The following PPP4R4 variants were observed in gnomAD, a reference collection of about 807,000 sequenced individuals.
PPP4R4 encodes the protein protein phosphatase 4 regulatory subunit 4.
A neutral mutation model predicts 121.8 loss-of-function variants in PPP4R4; 70 were observed. The observed-to-expected ratio is 0.57, with a 90% CI of 0.47 to 0.70. The LOEUF (loss-of-function observed/expected upper bound fraction) is 0.70, where lower values mean the gene tolerates loss of function less well. Ranked by LOEUF, PPP4R4 falls within the 30% of genes least tolerant of loss-of-function variation. The pLI is 0.00. For synonymous variants in PPP4R4, 348 were observed against 355.7 expected (o/e 0.98, Z 0.24); for missense variants, 875 against 1,033.6 (o/e 0.85, Z 2.10).
At chr14:94,252,541 A>G (rs908838090) in intron 16 of PPP4R4, among the ~76,000 whole-genome samples, 1 of 152,142 alleles carries the variant, frequency 6.6e-6, no homozygotes, top group South Asian at 2.1e-4. Flanking sequence ...AAAATTTACT[A>G]TTTTAACCAT....
intron 14 of PPP4R4, among the ~76,000 whole-genome samples, chr14:94,247,514 T>A (rs564544108): frequency 6.6e-6 from 1 of 152,332 alleles, no homozygotes; most frequent in South Asian, 2.1e-4. Context: ...TCAATCCTAC[T>A]GAAACTATTC....
intron 17 of PPP4R4, among the ~76,000 whole-genome samples, chr14:94,257,290 T>C (rs978980570): frequency 6.6e-6 from 1 of 152,098 alleles, no homozygotes; most frequent in Non-Finnish European, 1.5e-5. Flanking sequence ...TCAAAAATTG[T>C]TTATGCTGAA....
intron 2 of PPP4R4, among the ~76,000 whole-genome samples, chr14:94,205,600 T>C (rs1890413562): frequency 6.6e-6 from 1 of 151,686 alleles, no homozygotes; most frequent in Non-Finnish European, 1.5e-5. Context: ...GAAAGTTAGA[T>C]TATTGATTTG....
Position 94,237,704 on chromosome 14 carries a change from A to G in PPP4R4, c.853+18A>G. On this transcript the variant is annotated intron_variant, in intron 8 of 24. Transcript: ENST00000304338. ...TGATACAGGTAAATCATGTGGCTAC[A>G]TCTTTGCTTCTGAAAACAGTGTTTT... is the stretch of plus-strand genomic sequence containing the variant. 1 of 1,608,510 alleles carries G rather than the reference A, an allele frequency of 6.2e-7. No homozygotes were observed. The highest frequency in any genetic ancestry group is 2.2e-5 in the East Asian group (1 of 44,782).
chr14:94,193,185 A>G (rs1368118420), intron 2 of PPP4R4, among the ~76,000 whole-genome samples: 1 of 152,160 alleles, frequency 6.6e-6, no homozygotes, highest in Non-Finnish European at 1.5e-5. Flanking sequence ...ATGTTTTTTA[A>G]AAGCATTAAG....
intron 24 of PPP4R4, among the ~76,000 whole-genome samples, chr14:94,277,465 C>A (rs890708074): frequency 6.6e-6 from 1 of 152,180 alleles, no homozygotes; most frequent in African/African-American, 2.4e-5. Flanking sequence ...CATGGTTCCT[C>A]CTCCTCTAAG....
intron 3 of PPP4R4, among the ~76,000 whole-genome samples, chr14:94,208,909 T>C (rs1478212156): frequency 6.6e-6 from 1 of 151,920 alleles, no homozygotes; most frequent in Non-Finnish European, 1.5e-5. Context: ...ATAGTATTTG[T>C]ATAACATTGA....
chr14:94,220,744 T>G (rs1891341959), intron 3 of PPP4R4, among the ~76,000 whole-genome samples: 1 of 152,162 alleles, frequency 6.6e-6, no homozygotes, highest in Non-Finnish European at 1.5e-5. Context: ...ATGAGAGAAC[T>G]AAGTGAACTG....
At chr14:94,277,120 G>T (rs2139676592) in intron 24 of PPP4R4, among the ~76,000 whole-genome samples, 1 of 152,234 alleles carries the variant, frequency 6.6e-6, no homozygotes, top group East Asian at 1.9e-4. Flanking sequence ...CCAACATGGT[G>T]AAACCCTGTC....
At chr14:94,234,876 A>G (rs1379997225) in intron 7 of PPP4R4, among the ~76,000 whole-genome samples, 2 of 152,192 alleles carry the variant, frequency 1.3e-5, no homozygotes, top group Non-Finnish European at 1.5e-5. Flanking sequence ...ATCATTCCAG[A>G]CACCTAGATT....
chr14:94,270,824 A>G (rs1244231460), intron 23 of PPP4R4, among the ~76,000 whole-genome samples: 1 of 151,450 alleles, frequency 6.6e-6, no homozygotes, highest in Non-Finnish European at 1.5e-5. Flanking sequence ...AGGCTGAGAC[A>G]GGAGAATCGC....
In PPP4R4 at chr14:94,278,837, A is replaced by G. The variant is rs868658115; in HGVS notation, c.*194A>G. The G allele has an allele frequency of 2.6e-6, 1 of 390,380 alleles. No homozygotes were observed. The allele number at this position is 390,380 out of a possible 1,614,324, so 24.2% of individuals were successfully genotyped here. Reference sequence around the variant, plus strand: ...CATATTTCAAATTAGATTCCCTAGGAGGTATAATATATATTTCTTGAGTAA... The same window carrying G: ...CATATTTCAAATTAGATTCCCTAGGGGGTATAATATATATTTCTTGAGTAA... On this transcript the variant is annotated 3_prime_UTR_variant, in exon 25 of 25. Transcript: ENST00000304338.
Position 94,174,428 on chromosome 14 carries a change from G to A in PPP4R4, c.-38G>A, listed in dbSNP as rs1555445666. The A allele has an allele frequency of 1.3e-6, 2 of 1,504,132 alleles. No individual in the cohort carries two copies. The highest frequency in any genetic ancestry group is 1.8e-6 in the Non-Finnish European group (2 of 1,126,476). The allele number at this position is 1,504,132 out of a possible 1,614,324, so 93.2% of individuals were successfully genotyped here. A position where few individuals can be genotyped will look rare whatever the true frequency, so the allele number is the denominator to read the frequency against. Reference sequence around the variant, plus strand: ...GGCTGAGGGCGTCCGGCATCCCGGGGCCGCTCCGGCCCGGGCGGCGAGAGT... The same window carrying A: ...GGCTGAGGGCGTCCGGCATCCCGGGACCGCTCCGGCCCGGGCGGCGAGAGT... On this transcript the variant is annotated 5_prime_UTR_variant, in exon 1 of 25. Transcript: ENST00000304338.
intron 19 of PPP4R4, among the ~76,000 whole-genome samples, chr14:94,262,525 A>G (rs1375408645): frequency 6.6e-6 from 1 of 151,958 alleles, no homozygotes; most frequent in Non-Finnish European, 1.5e-5. Context: ...ATGTCACTTA[A>G]CAATAATACA....
At chr14:94,228,662 A>G (rs1463175031) in intron 3 of PPP4R4, among the ~76,000 whole-genome samples, 1 of 152,018 alleles carries the variant, frequency 6.6e-6, no homozygotes, top group Admixed American at 6.6e-5. Flanking sequence ...TTTTTGGGAG[A>G]TGTGCAAAAT....
At chr14:94,221,373 T>A (rs546260618) in intron 3 of PPP4R4, among the ~76,000 whole-genome samples, 8 of 152,220 alleles carry the variant, frequency 5.3e-5, no homozygotes, top group African/African-American at 1.4e-4. Context: ...ATAAATTAGA[T>A]CTGTTCTTCA....
intron 17 of PPP4R4, among the ~76,000 whole-genome samples, chr14:94,258,071 A>C (rs73344833): frequency 0.013 from 1,970 of 152,230 alleles, 42 homozygotes; most frequent in African/African-American, 0.045. Flanking sequence ...TTAAAAAGAG[A>C]GTCTTTCATG....
chr14:94,266,989 T>G lies in PPP4R4; in HGVS notation c.2409T>G (p.Ser803=). The change falls in exon 23 of 25, where the codon TCT becomes TCG. Residue 803 remains serine (S), a synonymous_variant. Coordinates refer to ENST00000304338, the MANE Select transcript of PPP4R4 (RefSeq NM_058237.2). The part of the protein sequence containing the change: ...SKSSTTGYTT[S]VSGLGKTSVL... ...GTTCTACAACAGGATATACAACTTC[T>G]GTCTCAGGGTTAGGAAAGACTTCTG... 6.3e-7 allele frequency: 1 copy of G among 1,597,632 alleles called. No individual in the cohort carries two copies. The highest frequency in any genetic ancestry group is 8.6e-7 in the Non-Finnish European group (1 of 1,166,832).
At chr14:94,188,879 A>T (rs1317051755) in intron 2 of PPP4R4, among the ~76,000 whole-genome samples, 1 of 152,156 alleles carries the variant, frequency 6.6e-6, no homozygotes. Flanking sequence ...ATTTACAATT[A>T]AAAAGGGTTA....
Sources: gnomAD v4.1 joint callset for allele counts (sites outside exome capture counted in the v4.1 genomes callset) on GRCh38, gnomAD v4.1.1 for gene constraint, MANE v1.5 for transcripts, NCBI Gene and HGNC (gene_info 2026-07-23, HGNC 2026-07-21) for gene names.